Variants in TBL1XR1 observed in about 807,000 individuals in gnomAD.
TBL1XR1 encodes TBL1X/Y related 1, also known as F-box-like/WD repeat-containing protein TBL1XR1.
TBL1XR1 carries 5 observed loss-of-function variants against 66.9 expected under a neutral mutation model. The ratio of observed to expected loss-of-function variants is 0.07; its 90% CI spans 0.04 to 0.16. The LOEUF (loss-of-function observed/expected upper bound fraction) is 0.16, where lower values mean the gene tolerates loss of function less well. TBL1XR1 is among the 10% of genes least tolerant of loss of function. The pLI, the probability that TBL1XR1 is intolerant of heterozygous loss-of-function variation, is 1.00. For missense variants in TBL1XR1, 238 were observed against 623.2 expected, an observed-to-expected ratio of 0.38 and a Z score of 6.58; for synonymous variants, 210 against 206.0, an observed-to-expected ratio of 1.02 and a Z score of -0.17.
chr3:177,160,510 A>T (rs1299445670), intron 1 of TBL1XR1, among the ~76,000 whole-genome samples: 3 of 151,814 alleles, frequency 2.0e-5, no homozygotes, highest in African/African-American at 7.3e-5. Context: ...GGCAGCGAGA[A>T]AGAAGAATCA....
chr3:177,169,655 A>G (rs935009534), intron 1 of TBL1XR1, among the ~76,000 whole-genome samples: 2 of 152,244 alleles, frequency 1.3e-5, no homozygotes, highest in Admixed American at 1.3e-4. Flanking sequence ...CAAAGGTAAT[A>G]CACAAGACAA....
chr3:177,028,035 T>G (rs377542809), intron 14 of TBL1XR1, among the ~76,000 whole-genome samples: 1 of 152,288 alleles, frequency 6.6e-6, no homozygotes, highest in East Asian at 1.9e-4. Flanking sequence ...TCTCTAAGCT[T>G]GAACTGGGCT....
At position 177,046,109 on chromosome 3, in the gene TBL1XR1, G is replaced by A. The variant is rs959944490; in HGVS notation, c.925+20C>T. ...AACAGAAGCAAGCTCCAGCTTTCACGTAAATTATAAGAAATTTACCTGAAT... is the reference window on the plus strand; with the variant it reads ...AACAGAAGCAAGCTCCAGCTTTCACATAAATTATAAGAAATTTACCTGAAT... On this transcript the variant is annotated intron_variant, in intron 10 of 15. Coordinates refer to ENST00000457928, the MANE Select transcript of TBL1XR1 (RefSeq NM_024665.7). The A allele has an allele frequency of 9.2e-6, 14 of 1,519,534 alleles. No homozygotes were observed. In the East Asian group the frequency reaches 1.5e-4, roughly 16 times the overall value. 94.1% of individuals were successfully genotyped at this position (1,519,534 alleles called of 1,614,324 possible). A position where few individuals can be genotyped will look rare whatever the true frequency, so the allele number is the denominator to read the frequency against.
intron 2 of TBL1XR1, among the ~76,000 whole-genome samples, chr3:177,078,390 A>C (rs1238948798): frequency 6.6e-6 from 1 of 151,708 alleles, no homozygotes; most frequent in African/African-American, 2.4e-5. Context: ...CCTGGGCAAC[A>C]TAGGGAGACC....
chr3:177,146,323 G>C (rs1730234757), intron 1 of TBL1XR1, among the ~76,000 whole-genome samples: 2 of 151,864 alleles, frequency 1.3e-5, no homozygotes, highest in Non-Finnish European at 2.9e-5. Context: ...TTTTGCTCTT[G>C]TTGCCCACGC....
intron 1 of TBL1XR1, among the ~76,000 whole-genome samples, chr3:177,108,512 T>C (rs1725156756): frequency 6.6e-6 from 1 of 152,162 alleles, no homozygotes; most frequent in Admixed American, 6.5e-5. Flanking sequence ...TGATAACAAG[T>C]ATGAACATAG....
rs978000612 is a variant in TBL1XR1, at chr3:177,187,693, T to A, written c.-122+9428A>T. Among the ~76,000 whole-genome samples, 9 of 152,186 alleles carry A rather than the reference T, an allele frequency of 5.9e-5. No homozygotes were observed. In the South Asian group the frequency reaches 1.9e-3, roughly 32 times the overall value. On this transcript the variant is annotated intron_variant, in intron 1 of 15. Transcript: ENST00000457928. ...AAAAACTGAGTCACTGAATGTCTCT[T>A]TACAATGTCCCGCTCTCCACTGTGC...
chr3:177,179,430 C>A (rs780761837), intron 1 of TBL1XR1, among the ~76,000 whole-genome samples: 1 of 152,186 alleles, frequency 6.6e-6, no homozygotes, highest in South Asian at 2.1e-4. Context: ...TACAGACACA[C>A]GCTGGAGCAC....
intron 1 of TBL1XR1, among the ~76,000 whole-genome samples, chr3:177,171,925 G>A (rs1053364532): frequency 9.9e-5 from 15 of 152,168 alleles, no homozygotes; most frequent in African/African-American, 3.1e-4. Flanking sequence ...GTGGCAAAAG[G>A]TGGAACAACT....
chr3:177,136,426 C>CA, intron 1 of TBL1XR1, among the ~76,000 whole-genome samples: 1 of 152,106 alleles, frequency 6.6e-6, no homozygotes, highest in Non-Finnish European at 1.5e-5. Flanking sequence ...CAAGCAGGCG[C>CA]CAGCCACTAC....
intron 1 of TBL1XR1, among the ~76,000 whole-genome samples, chr3:177,144,292 C>T (rs768141196): frequency 1.3e-5 from 2 of 152,042 alleles, no homozygotes; most frequent in Non-Finnish European, 2.9e-5. Flanking sequence ...ATTTTTGACT[C>T]ATGGCACTGA....
At chr3:177,119,774 C>T (rs574999668) in intron 1 of TBL1XR1, among the ~76,000 whole-genome samples, 20 of 152,342 alleles carry the variant, frequency 1.3e-4, no homozygotes, top group Admixed American at 1.1e-3. Flanking sequence ...CCACACGACA[C>T]GAAGAAACAT....
intron 3 of TBL1XR1, among the ~76,000 whole-genome samples, chr3:177,061,433 T>TA: frequency 6.6e-6 from 1 of 152,278 alleles, no homozygotes; most frequent in Non-Finnish European, 1.5e-5. Context: ...AGTTCTTACA[T>TA]AAAAAAAGTA....
At position 177,051,763 on chromosome 3, in the gene TBL1XR1, G is replaced by A. The variant is rs199759625; in HGVS notation, c.205-37C>T. The stretch of plus-strand genomic sequence containing the variant: ...AAATTGTGAGAGAAGAAAAATCAAA[G>A]GCAATATTTAAAGTTATTTGTATTT... On this transcript the variant is annotated intron_variant, in intron 4 of 15. Transcript: ENST00000457928. 4.4e-3 allele frequency: 6,485 copies of A among 1,477,770 alleles called. 26 individuals carry two copies. Among genetic ancestry groups the A allele is most frequent in the Non-Finnish European group, 5.2e-3 (5,757 of 1,104,398 alleles). 91.5% of individuals were successfully genotyped at this position (1,477,770 alleles called of 1,614,324 possible). A position where few individuals can be genotyped will look rare whatever the true frequency, so the allele number is the denominator to read the frequency against.
intron 2 of TBL1XR1, among the ~76,000 whole-genome samples, chr3:177,066,404 G>A (rs73039627): frequency 0.019 from 2,820 of 152,208 alleles, 96 homozygotes; most frequent in African/African-American, 0.065. Context: ...GGAGGGGCAC[G>A]AAAACAAGGG....
intron 1 of TBL1XR1, among the ~76,000 whole-genome samples, chr3:177,173,168 CAA>C (rs1028740611): frequency 3.9e-5 from 6 of 152,146 alleles, no homozygotes; most frequent in African/African-American, 1.2e-4. Flanking sequence ...GCCTGGGAAA[CAA>C]GAGCAAAACT....
chr3:177,185,840 C>T (rs1414859194), intron 1 of TBL1XR1, among the ~76,000 whole-genome samples: 2 of 151,858 alleles, frequency 1.3e-5, no homozygotes, highest in Non-Finnish European at 1.5e-5. Flanking sequence ...CCTCTCTCTA[C>T]AAAAAATTAA....
chr3:177,115,478 C>T (rs751998088), intron 1 of TBL1XR1, among the ~76,000 whole-genome samples: 2 of 152,106 alleles, frequency 1.3e-5, no homozygotes, highest in Non-Finnish European at 2.9e-5. Context: ...ATTCACTACC[C>T]AACCCAAAAG....
intron 14 of TBL1XR1, among the ~76,000 whole-genome samples, chr3:177,030,457 C>T (rs1238158747): frequency 6.6e-6 from 1 of 151,982 alleles, no homozygotes; most frequent in Non-Finnish European, 1.5e-5. Context: ...TGATTAATTA[C>T]AATTTTACCA....
Sources: gnomAD v4.1 joint callset for allele counts (sites outside exome capture counted in the v4.1 genomes callset) on GRCh38, gnomAD v4.1.1 for gene constraint, MANE v1.5 for transcripts, NCBI Gene and HGNC (gene_info 2026-07-23, HGNC 2026-07-21) for gene names.